LRP1B: variants seen among roughly 807,000 people sequenced by gnomAD.
LRP1B encodes LDL receptor related protein 1B, also known as low-density lipoprotein receptor-related protein 1B.
LRP1B carries 217 observed loss-of-function variants against 556.6 expected under a neutral mutation model. The observed-to-expected ratio is 0.39, with a 90% CI of 0.35 to 0.44. The LOEUF is 0.44. Ranked by LOEUF, LRP1B falls within the 20% of genes least tolerant of loss-of-function variation. LRP1B has a pLI of 1.00. For synonymous variants in LRP1B, 2,047 were observed against 1,865.8 expected (o/e 1.10, Z -2.50); for missense variants, 5,053 against 5,620.8 (o/e 0.90, Z 3.23).
chr2:140,412,733 A>G (rs1457316672), intron 66 of LRP1B, among the ~76,000 whole-genome samples: 1 of 152,070 alleles, frequency 6.6e-6, no homozygotes, highest in Admixed American at 6.6e-5. Flanking sequence ...CACACTTAAT[A>G]TTACATAATC....
At chr2:140,586,607 CT>C (rs1304197621) in intron 43 of LRP1B, 1 of 152,220 alleles carries the variant, frequency 6.6e-6, no homozygotes, top group East Asian at 1.9e-4. Flanking sequence ...TAGAGGCCAT[CT>C]AGGTAGCCTG....
intron 41 of LRP1B, among the ~76,000 whole-genome samples, chr2:140,633,862 G>A (rs480375): frequency 0.13 from 19,260 of 152,094 alleles, 1,383 homozygotes; most frequent in African/African-American, 0.19. Flanking sequence ...GGTGAATTCT[G>A]TCAAACATTA....
chr2:141,106,329 A>C (rs1325246786), intron 7 of LRP1B, among the ~76,000 whole-genome samples: 1 of 152,216 alleles, frequency 6.6e-6, no homozygotes, highest in Non-Finnish European at 1.5e-5. Flanking sequence ...CCCCCAAAAA[A>C]CACTGAGCTA....
chr2:140,236,416 T>C (rs969339876), intron 89 of LRP1B, among the ~76,000 whole-genome samples: 2 of 150,664 alleles, frequency 1.3e-5, no homozygotes, highest in African/African-American at 4.9e-5. Context: ...CCAAGAAAAA[T>C]TGTTTCATAA....
intron 82 of LRP1B, among the ~76,000 whole-genome samples, chr2:140,320,163 A>G (rs1233924682): frequency 6.6e-6 from 1 of 152,080 alleles, no homozygotes; most frequent in Non-Finnish European, 1.5e-5. Context: ...CTGATCCCCT[A>G]TTTGAATAAT....
At chr2:140,304,623 G>A (rs1248851598) in intron 83 of LRP1B, among the ~76,000 whole-genome samples, 4 of 152,080 alleles carry the variant, frequency 2.6e-5, no homozygotes, top group African/African-American at 9.7e-5. Context: ...CACTCTGATG[G>A]TAGTTTCTTT....
intron 55 of LRP1B, among the ~76,000 whole-genome samples, chr2:140,497,603 C>T (rs1478373996): frequency 1.3e-5 from 2 of 151,700 alleles, no homozygotes; most frequent in Non-Finnish European, 1.5e-5. Context: ...TAGTCGGAAG[C>T]CAGAGGTCCA....
chr2:140,523,116 C>T (rs746504309), intron 49 of LRP1B, among the ~76,000 whole-genome samples: 3 of 151,918 alleles, frequency 2.0e-5, no homozygotes, highest in Admixed American at 6.6e-5. Flanking sequence ...ACCAATATCC[C>T]TAATGAACAT....
chr2:141,995,332 A>G (rs1327156923), intron 1 of LRP1B, among the ~76,000 whole-genome samples: 12 of 152,038 alleles, frequency 7.9e-5, no homozygotes, highest in Admixed American at 7.9e-4. Flanking sequence ...CCCTTCCTCC[A>G]TCTTTGACAC....
At chr2:140,251,998 C>T (rs143912556) in intron 86 of LRP1B, among the ~76,000 whole-genome samples, 192 of 139,944 alleles carry the variant, frequency 1.4e-3, no homozygotes, top group African/African-American at 4.7e-3. Context: ...GAAAGGTCTA[C>T]ACTCCATGTA....
chr2:141,003,200 AG>A (rs1697476150), intron 15 of LRP1B, among the ~76,000 whole-genome samples: 1 of 152,062 alleles, frequency 6.6e-6, no homozygotes, highest in Non-Finnish European at 1.5e-5. Context: ...TCAACTAAAA[AG>A]AAAATAAATG....
intron 1 of LRP1B, among the ~76,000 whole-genome samples, chr2:142,116,388 C>G (rs115545599): frequency 5.3e-5 from 8 of 151,960 alleles, no homozygotes; most frequent in African/African-American, 1.9e-4. Flanking sequence ...AATTGTAGGA[C>G]AGTTACTAAA....
intron 1 of LRP1B, among the ~76,000 whole-genome samples, chr2:142,077,417 T>C (rs1427480272): frequency 2.6e-5 from 4 of 152,144 alleles, no homozygotes; most frequent in African/African-American, 9.6e-5. Flanking sequence ...GGAGGCAGGA[T>C]GTGTGTTCTG....
chr2:140,248,576 ACGACTC>A, intron 86 of LRP1B, among the ~76,000 whole-genome samples: 1 of 151,786 alleles, frequency 6.6e-6, no homozygotes, highest in South Asian at 2.1e-4. Flanking sequence ...GGCCAAGTCT[ACGACTC>A]TTGTCTGTAT....
At chr2:141,408,624 T>C (rs1248196265) in intron 3 of LRP1B, among the ~76,000 whole-genome samples, 1 of 152,132 alleles carries the variant, frequency 6.6e-6, no homozygotes, top group Non-Finnish European at 1.5e-5. Flanking sequence ...TCTATGGTTT[T>C]TCATACTTAT....
intron 66 of LRP1B, among the ~76,000 whole-genome samples, chr2:140,387,114 T>C (rs559848459): frequency 1.3e-5 from 2 of 152,286 alleles, no homozygotes; most frequent in African/African-American, 4.8e-5. Flanking sequence ...AGAACACATT[T>C]CCCTTTCGTG....
chr2:140,666,351 C>A (rs1009829379), intron 41 of LRP1B, among the ~76,000 whole-genome samples: 1 of 151,226 alleles, frequency 6.6e-6, no homozygotes, highest in African/African-American at 2.4e-5. Context: ...AAATTGCCTC[C>A]CAAAATGTTG....
chr2:140,675,758 C>CA (rs1685649172), intron 41 of LRP1B, among the ~76,000 whole-genome samples: 1 of 152,096 alleles, frequency 6.6e-6, no homozygotes, highest in Admixed American at 6.6e-5. Context: ...GCCTGGGCAA[C>CA]AGAGCAAGAC....
chr2:141,810,317 G>A lies in LRP1B; in HGVS notation c.167C>T (p.Pro56Leu), dbSNP rs2105707388. The change falls in exon 2 of 91, where the codon CCT (proline) becomes CTT (leucine). Residue 56 changes from proline (P) to leucine (L), a missense_variant. Coordinates refer to ENST00000389484, the MANE Select transcript of LRP1B (RefSeq NM_018557.3). ...VSQSWLCDGD[P>L]DCPDDSDESL... ...CTCGTCTGAATCATCAGGGCAGTCA[G>A]GGTCCCCATCACACAGCCAGCTCTG... is the stretch of plus-strand genomic sequence containing the variant. The A allele has an allele frequency of 6.2e-7, 1 of 1,613,188 alleles. No homozygotes were observed. The highest frequency in any genetic ancestry group is 1.3e-5 in the African/African-American group (1 of 74,940).
Sources: gnomAD v4.1 joint callset for allele counts (sites outside exome capture counted in the v4.1 genomes callset) on GRCh38, gnomAD v4.1.1 for gene constraint, MANE v1.5 for transcripts, NCBI Gene and HGNC (gene_info 2026-07-23, HGNC 2026-07-21) for gene names.